Variants in PLPPR5 observed in about 807,000 individuals in gnomAD.
PLPPR5 encodes the protein phospholipid phosphatase-related protein type 5.
A neutral mutation model predicts 33.9 loss-of-function variants in PLPPR5; 16 were observed. The observed-to-expected ratio is 0.47, with a 90% CI of 0.32 to 0.72. PLPPR5 has a LOEUF of 0.72. PLPPR5 is among the 30% of genes least tolerant of loss of function. The probability of loss-of-function intolerance (pLI) is 0.03; values close to 1 mark genes in which losing one functional copy is unlikely to be tolerated. For missense variants in PLPPR5, 301 were observed against 406.7 expected (o/e 0.74, Z 2.23); for synonymous variants, 163 against 150.3 (o/e 1.08, Z -0.62).
At chr1:98,946,285 T>C (rs1379882840) in intron 3 of PLPPR5, among the ~76,000 whole-genome samples, 1 of 152,196 alleles carries the variant, frequency 6.6e-6, no homozygotes, top group Non-Finnish European at 1.5e-5. Context: ...TTATGCATTC[T>C]AGGTATTCAA....
intron 3 of PLPPR5, among the ~76,000 whole-genome samples, chr1:98,944,713 G>A (rs1450982727): frequency 6.6e-6 from 1 of 152,240 alleles, no homozygotes; most frequent in Non-Finnish European, 1.5e-5. Flanking sequence ...AATAGAACCT[G>A]AAGCAAGAAA....
chr1:98,990,679 A>G (rs967222727), intron 1 of PLPPR5, among the ~76,000 whole-genome samples: 1 of 151,750 alleles, frequency 6.6e-6, no homozygotes, highest in African/African-American at 2.4e-5. Context: ...ATCAGTGATG[A>G]TTAGGAAATA....
intron 5 of PLPPR5, among the ~76,000 whole-genome samples, chr1:98,895,887 T>A (rs554669536): frequency 6.6e-6 from 1 of 151,974 alleles, no homozygotes; most frequent in Non-Finnish European, 1.5e-5. Flanking sequence ...AAGAGAAAAT[T>A]AAGGGGAAAT....
intron 4 of PLPPR5, among the ~76,000 whole-genome samples, chr1:98,919,815 T>C (rs1379455322): frequency 6.6e-6 from 1 of 152,136 alleles, no homozygotes; most frequent in Non-Finnish European, 1.5e-5. Context: ...AAACTATAGT[T>C]TATGGAACTT....
Position 99,004,550 on chromosome 1 carries a change from T to C in PLPPR5, c.122A>G (p.Gln41Arg). The C allele has an allele frequency of 6.2e-7, 1 of 1,613,070 alleles. No individual in the cohort carries two copies. The highest frequency in any genetic ancestry group is 8.5e-7 in the Non-Finnish European group (1 of 1,179,852). The change falls in exon 1 of 6, where the codon CAG becomes CGG. Residue 41 changes from glutamine to arginine, a missense_variant. Coordinates refer to ENST00000263177, the MANE Select transcript of PLPPR5 (RefSeq NM_001037317.2). ...GGCGCTGTCGTGGCAGAAGAAGCCC[T>C]GCACGTTCACGGTGAACGTGTCCGT... ...EYTDTFTVNV[Q>R]GFFCHDSAYR...
chr1:98,919,125 G>A (rs1649460913), intron 4 of PLPPR5, among the ~76,000 whole-genome samples: 1 of 152,182 alleles, frequency 6.6e-6, no homozygotes, highest in South Asian at 2.1e-4. Context: ...AATCCTCAAG[G>A]AGGAGAAGTC....
rs1394773538 is a variant in PLPPR5, at chr1:98,918,090, CATG to C, written c.799-3173_799-3171del. On this transcript the variant is annotated intron_variant, in intron 4 of 5. Coordinates refer to ENST00000263177, the MANE Select transcript of PLPPR5 (RefSeq NM_001037317.2). Reference sequence around the variant, plus strand: ...TGCATATATATTTTCTTTTTCCTGTCATGATGATAACTTAATCTGATCCATTCT... The same window carrying C: ...TGCATATATATTTTCTTTTTCCTGTCATGATAACTTAATCTGATCCATTCT... 2.0e-5 allele frequency among the ~76,000 whole-genome samples: 3 copies of C among 152,160 alleles called. No individual in the cohort carries two copies. The East Asian group carries it at 5.8e-4, about 29-fold the overall frequency.
Position 98,954,618 on chromosome 1 carries a change from T to C in PLPPR5, c.371-1298A>G, listed in dbSNP as rs1050089731. On this transcript the variant is annotated intron_variant, in intron 2 of 5. Transcript: ENST00000263177. ...AAAACCCCCACACAGCAAAACTCTA[T>C]GTGTACACAAATGGGAATGAAACAA... Among the ~76,000 whole-genome samples the C allele has an allele frequency of 3.3e-5, 5 of 152,256 alleles. No individual in the cohort carries two copies. In the East Asian group the frequency reaches 9.6e-4, roughly 29 times the overall value.
intron 1 of PLPPR5, among the ~76,000 whole-genome samples, chr1:99,001,908 A>G (rs887166715): frequency 4.0e-5 from 6 of 151,810 alleles, no homozygotes; most frequent in Admixed American, 6.6e-5. Context: ...CTAAGCCATC[A>G]TGTTCCCAAA....
At chr1:98,910,888 G>GT (rs66793213) in intron 5 of PLPPR5, among the ~76,000 whole-genome samples, 8,605 of 142,262 alleles carry the variant, frequency 0.06, 282 homozygotes, top group Middle Eastern at 0.07. Flanking sequence ...GCCAGAGAGT[G>GT]TTTTTTTTTT....
chr1:98,954,257 T>A (rs887587254), intron 2 of PLPPR5, among the ~76,000 whole-genome samples: 39 of 152,132 alleles, frequency 2.6e-4, no homozygotes, highest in Non-Finnish European at 1.0e-4. Flanking sequence ...AGAGCTACAA[T>A]CTTCAAGGAT....
intron 1 of PLPPR5, among the ~76,000 whole-genome samples, chr1:99,002,920 G>A (rs1443696601): frequency 6.7e-6 from 1 of 149,420 alleles, no homozygotes; most frequent in Non-Finnish European, 1.5e-5. Context: ...GGGAAACCCC[G>A]ATCTCCAGAA....
At chr1:98,971,887 T>A (rs1651674770) in intron 1 of PLPPR5, among the ~76,000 whole-genome samples, 1 of 152,056 alleles carries the variant, frequency 6.6e-6, no homozygotes, top group South Asian at 2.1e-4. Flanking sequence ...GTTCTCATGT[T>A]GACACAGAAC....
chr1:98,978,954 A>C (rs1289805224), intron 1 of PLPPR5, among the ~76,000 whole-genome samples: 2 of 151,952 alleles, frequency 1.3e-5, no homozygotes, highest in Non-Finnish European at 2.9e-5. Context: ...TGACATGAAA[A>C]CATCCTGTCA....
At chr1:98,900,489 T>G (rs1648657233) in intron 5 of PLPPR5, among the ~76,000 whole-genome samples, 1 of 152,182 alleles carries the variant, frequency 6.6e-6, no homozygotes, top group Non-Finnish European at 1.5e-5. Context: ...CATAGTGCTC[T>G]GTATTTAATA....
chr1:98,985,520 C>T lies in PLPPR5; in HGVS notation c.237+18915G>A, dbSNP rs192542841. 2.5e-3 allele frequency among the ~76,000 whole-genome samples: 384 copies of T among 152,078 alleles called. 1 individual carries two copies. Among genetic ancestry groups the T allele is most frequent in the African/African-American group, 8.8e-3 (366 of 41,506 alleles). ...CCTAAATGTACAGTGTTTATGAAGTCTACAATAGTGTACAGTAATGTCCTA... is the reference window on the plus strand; with the variant it reads ...CCTAAATGTACAGTGTTTATGAAGTTTACAATAGTGTACAGTAATGTCCTA... On this transcript the variant is annotated intron_variant, in intron 1 of 5. Transcript: ENST00000263177.
intron 5 of PLPPR5, among the ~76,000 whole-genome samples, chr1:98,908,295 T>A (rs573550210): frequency 1.3e-5 from 2 of 152,182 alleles, no homozygotes; most frequent in African/African-American, 4.8e-5. Context: ...GATTTATTTA[T>A]ACCATATCTA....
intron 3 of PLPPR5, among the ~76,000 whole-genome samples, chr1:98,933,042 A>G (rs1022834864): frequency 3.9e-5 from 6 of 152,146 alleles, no homozygotes; most frequent in Non-Finnish European, 8.8e-5. Flanking sequence ...ACCCTATAAT[A>G]AAACACATTC....
chr1:98,999,574 T>C (rs761849652), intron 1 of PLPPR5, among the ~76,000 whole-genome samples: 1 of 152,108 alleles, frequency 6.6e-6, no homozygotes, highest in Non-Finnish European at 1.5e-5. Flanking sequence ...TCCAGACACA[T>C]CTGAAACCCA....
Sources: gnomAD v4.1 joint callset for allele counts (sites outside exome capture counted in the v4.1 genomes callset) on GRCh38, gnomAD v4.1.1 for gene constraint, MANE v1.5 for transcripts, NCBI Gene and HGNC (gene_info 2026-07-23, HGNC 2026-07-21) for gene names.